PCDH15: variants seen among roughly 807,000 people sequenced by gnomAD.
The protein encoded by PCDH15 is protocadherin related 15, also known as protocadherin-15.
Under a neutral mutation model 178.5 loss-of-function variants are expected in PCDH15, and 129 were observed. The observed-to-expected ratio is 0.72, with a 90% CI of 0.63 to 0.84. PCDH15 has a LOEUF of 0.84. Among genes scored for constraint, PCDH15 ranks in the 40% least tolerant of loss-of-function variants. The pLI is 0.00. For synonymous variants in PCDH15, 800 were observed against 732.0 expected, an observed-to-expected ratio of 1.09 and a Z score of -1.50; for missense variants, 2,230 against 2,099.9, an observed-to-expected ratio of 1.06 and a Z score of -1.21.
chr10:54,270,080 T>C (rs905102883), intron 8 of PCDH15, among the ~76,000 whole-genome samples: 3 of 152,072 alleles, frequency 2.0e-5, no homozygotes, highest in African/African-American at 7.2e-5. Flanking sequence ...AACTGCCTTA[T>C]TGGGTAGTCA....
chr10:55,564,222 T>G (rs1842255424), intron 2 of PCDH15, among the ~76,000 whole-genome samples: 1 of 151,710 alleles, frequency 6.6e-6, no homozygotes, highest in Admixed American at 6.6e-5. Flanking sequence ...TGTATAGACA[T>G]AATTTTGTGA....
intron 2 of PCDH15, among the ~76,000 whole-genome samples, chr10:55,549,151 GT>G (rs1002630586): frequency 6.8e-5 from 10 of 147,374 alleles, no homozygotes; most frequent in South Asian, 6.4e-4. Context: ...GAAGAAGAGG[GT>G]TTTTTTTGTT....
At chr10:54,075,376 C>CA (rs1284063136) in intron 17 of PCDH15, among the ~76,000 whole-genome samples, 1 of 91,458 alleles carries the variant, frequency 1.1e-5, no homozygotes, top group Admixed American at 1.3e-4. Context: ...AAATCCATCT[C>CA]AAAAAATAAA....
intron 2 of PCDH15, among the ~76,000 whole-genome samples, chr10:55,574,240 A>T (rs905790209): frequency 2.0e-5 from 3 of 152,018 alleles, no homozygotes; most frequent in African/African-American, 7.2e-5. Flanking sequence ...GACATACCAT[A>T]TATACAATAT....
intron 1 of PCDH15, among the ~76,000 whole-genome samples, chr10:55,227,445 CATAGGATCTTAAG>C (rs1841081860): frequency 8.5e-6 from 1 of 117,650 alleles, no homozygotes; most frequent in Non-Finnish European, 1.8e-5. Context: ...AAGAAAGAAA[CATAGGATCTTAAG>C]GTAAGAATTG....
intron 25 of PCDH15, among the ~76,000 whole-genome samples, chr10:53,906,356 T>G (rs2133708314): frequency 6.6e-6 from 1 of 152,220 alleles, no homozygotes; most frequent in South Asian, 2.1e-4. Context: ...ATAAATAACC[T>G]TTCCAGAGCT....
At chr10:54,239,651 G>A (rs1004228015) in intron 8 of PCDH15, among the ~76,000 whole-genome samples, 4 of 151,832 alleles carry the variant, frequency 2.6e-5, no homozygotes, top group African/African-American at 4.8e-5. Flanking sequence ...ATAAATTATA[G>A]TATTGAGAAT....
At chr10:54,571,528 C>T (rs1039033311) in intron 2 of PCDH15, among the ~76,000 whole-genome samples, 2 of 152,038 alleles carry the variant, frequency 1.3e-5, no homozygotes, top group African/African-American at 4.8e-5. Flanking sequence ...ACCGAAAAGG[C>T]AATGTACTAA....
intron 1 of PCDH15, among the ~76,000 whole-genome samples, chr10:55,187,113 T>A (rs1215214426): frequency 1.3e-5 from 2 of 151,914 alleles, no homozygotes; most frequent in South Asian, 2.1e-4. Context: ...TAGTCAATGT[T>A]CATATACACA....
rs138496914 is a variant in PCDH15 at position 54,509,044 on chromosome 10, A to G, written c.157+18768T>C. Among the ~76,000 whole-genome samples, 847 of 152,090 alleles carry G rather than the reference A, an allele frequency of 5.6e-3. 4 individuals carry two copies. Among genetic ancestry groups the G allele is most frequent in the African/African-American group, 0.019 (788 of 41,514 alleles). On this transcript the variant is annotated intron_variant, in intron 3 of 37. Coordinates refer to ENST00000644397, the MANE Select transcript of PCDH15 (RefSeq NM_001384140.1). Reference sequence around the variant, plus strand: ...TCGTATGTTGAATTTTCTTCCTGTGACATCATGTTGGTGCTCAAAAATTTT... The same window carrying G: ...TCGTATGTTGAATTTTCTTCCTGTGGCATCATGTTGGTGCTCAAAAATTTT...
At chr10:54,058,529 C>T (rs1014875527) in intron 18 of PCDH15, among the ~76,000 whole-genome samples, 11 of 152,086 alleles carry the variant, frequency 7.2e-5, no homozygotes, top group South Asian at 2.1e-4. Context: ...CAGTCACCTC[C>T]CACCTGGTCC....
In PCDH15 at chr10:54,105,277, GATATATATATATATATAT is replaced by G. The variant is rs55696020; in HGVS notation, c.1918-15232_1918-15215del. Reference sequence around the variant, plus strand: ...ATATAGATATAGACATATAGATGGAGATATATATATATATATATATATATATATATATATATATATACA... The same window carrying G: ...ATATAGATATAGACATATAGATGGAGATATATATATATATATATATATACA... On this transcript the variant is annotated intron_variant, in intron 15 of 37. Transcript: ENST00000644397. Among the ~76,000 whole-genome samples, 320 of 90,474 alleles carry G rather than the reference GATATATATATATATATAT, an allele frequency of 3.5e-3. 5 individuals carry two copies. Among genetic ancestry groups the G allele is most frequent in the African/African-American group, 0.011 (284 of 26,746 alleles). 59.4% of individuals were successfully genotyped at this position (90,474 alleles called of 152,430 possible).
At chr10:55,073,491 C>G (rs1172255105) in intron 2 of PCDH15, among the ~76,000 whole-genome samples, 3 of 152,068 alleles carry the variant, frequency 2.0e-5, no homozygotes, top group African/African-American at 7.2e-5. Context: ...GAGTGAACTC[C>G]CATTCACAAT....
chr10:55,620,931 A>G (rs1319104401), intron 2 of PCDH15, among the ~76,000 whole-genome samples: 1 of 151,758 alleles, frequency 6.6e-6, no homozygotes, highest in East Asian at 1.9e-4. Flanking sequence ...ATTTTGTCAT[A>G]CATTTATGAA....
chr10:54,430,404 C>G (rs1956825109), intron 3 of PCDH15, among the ~76,000 whole-genome samples: 1 of 152,068 alleles, frequency 6.6e-6, no homozygotes, highest in Non-Finnish European at 1.5e-5. Flanking sequence ...AAGGATAGAA[C>G]ATGTGTTAGA....
chr10:54,763,509 T>A (rs1245807747), intron 1 of PCDH15, among the ~76,000 whole-genome samples: 2 of 152,006 alleles, frequency 1.3e-5, no homozygotes. Context: ...GGACCAAACA[T>A]ACAGTTAGGT....
At chr10:54,087,744 A>G (rs977087847) in intron 16 of PCDH15, among the ~76,000 whole-genome samples, 2 of 152,168 alleles carry the variant, frequency 1.3e-5, no homozygotes, top group African/African-American at 4.8e-5. Flanking sequence ...CATAGTTTGA[A>G]TCCATGTCCT....
At chr10:55,483,478 G>T (rs1021097999) in intron 2 of PCDH15, among the ~76,000 whole-genome samples, 2 of 151,758 alleles carry the variant, frequency 1.3e-5, no homozygotes, top group Non-Finnish European at 2.9e-5. Context: ...AGATGCTAGT[G>T]AGATTGTGGA....
chr10:55,329,785 T>C (rs1379132348), intron 2 of PCDH15, among the ~76,000 whole-genome samples: 1 of 151,740 alleles, frequency 6.6e-6, no homozygotes, highest in Non-Finnish European at 1.5e-5. Context: ...ACAGATTACT[T>C]ATACAGAGTT....
Sources: allele counts gnomAD v4.1 joint callset (sites outside exome capture counted in the v4.1 genomes callset), GRCh38; gene constraint gnomAD v4.1.1; transcripts MANE v1.5; gene names NCBI Gene and HGNC (gene_info 2026-07-23, HGNC 2026-07-21).